Variants in MED30 observed in about 807,000 individuals in gnomAD.
MED30 encodes mediator complex subunit 30.
In MED30, 8 loss-of-function variants were observed where a neutral mutation model predicts 21.7. The observed-to-expected ratio is 0.37, with a 90% CI of 0.22 to 0.67. The LOEUF is 0.67. MED30 is among the 30% of genes least tolerant of loss of function. The pLI is 0.58. For missense variants in MED30, 203 were observed against 228.2 expected, an observed-to-expected ratio of 0.89 and a Z score of 0.71; for synonymous variants, 79 against 86.7, an observed-to-expected ratio of 0.91 and a Z score of 0.49.
intron 3 of MED30, among the ~76,000 whole-genome samples, chr8:117,536,029 T>C (rs1438094792): frequency 6.6e-6 from 1 of 152,204 alleles, no homozygotes; most frequent in Non-Finnish European, 1.5e-5. Flanking sequence ...GAGAAGCTTT[T>C]TGATTTGGCT....
chr8:117,540,016 C>A lies in MED30; in HGVS notation c.*38C>A. 1 of 1,210,202 alleles carries A rather than the reference C, an allele frequency of 8.3e-7. No homozygotes were observed. Among genetic ancestry groups the A allele is most frequent in the South Asian group, 1.5e-5 (1 of 67,630 alleles). The allele number at this position is 1,210,202 out of a possible 1,614,324, so 75.0% of individuals were successfully genotyped here. ...ATTTCCTGCTTTACACATGTTATAC[C>A]ATTGTTTTTTCCCTCAAGTATTTTT... On this transcript the variant is annotated 3_prime_UTR_variant, in exon 4 of 4. Coordinates refer to ENST00000297347, the MANE Select transcript of MED30 (RefSeq NM_080651.4).
At chr8:117,534,231 T>C (rs1818833434) in intron 3 of MED30, among the ~76,000 whole-genome samples, 1 of 152,062 alleles carries the variant, frequency 6.6e-6, no homozygotes, top group Non-Finnish European at 1.5e-5. Context: ...CACTGACCAC[T>C]CCCTCTTTAC....
At chr8:117,533,340 T>C (rs1001521845) in intron 3 of MED30, among the ~76,000 whole-genome samples, 1 of 152,106 alleles carries the variant, frequency 6.6e-6, no homozygotes, top group African/African-American at 2.4e-5. Context: ...GTTTTGTGGA[T>C]TTTAAGTAAA....
Position 117,539,938 on chromosome 8 carries a change from T to G in MED30, c.497T>G (p.Leu166Arg). The G allele has an allele frequency of 6.2e-7, 1 of 1,609,216 alleles. No homozygotes were observed. The highest frequency in any genetic ancestry group is 8.5e-7 in the Non-Finnish European group (1 of 1,177,762). Residue 166 changes from leucine (L) to arginine (R), a missense_variant, in exon 4 of 4, where the codon CTC (leucine) becomes CGC (arginine). Physicochemically the swap from Leu to Arg is moderately radical, Grantham distance 102. Coordinates refer to ENST00000297347, the MANE Select transcript of MED30 (RefSeq NM_080651.4). Reference protein sequence around the residue: ...LKQIMDQLRNLIWDINAMLAM... With the variant: ...LKQIMDQLRNRIWDINAMLAM... Reference sequence around the variant, plus strand: ...CAAATTATGGATCAATTACGAAATCTCATCTGGGATATAAATGCCATGTTG... The same window carrying G: ...CAAATTATGGATCAATTACGAAATCGCATCTGGGATATAAATGCCATGTTG...
At chr8:117,528,357 T>C (rs1313489550) in intron 1 of MED30, among the ~76,000 whole-genome samples, 3 of 151,498 alleles carry the variant, frequency 2.0e-5, no homozygotes, top group East Asian at 3.9e-4. Context: ...AAATTGTAAA[T>C]TTTTTTTTAA....
chr8:117,540,014 A>AC lies in MED30; in HGVS notation c.*38dup. 1 of 1,233,422 alleles carries AC rather than the reference A, an allele frequency of 8.1e-7. No homozygotes were observed. 76.4% of individuals were successfully genotyped at this position (1,233,422 alleles called of 1,614,324 possible). A position where few individuals can be genotyped will look rare whatever the true frequency, so the allele number is the denominator to read the frequency against. On this transcript the variant is annotated 3_prime_UTR_variant, in exon 4 of 4. Coordinates refer to ENST00000297347, the MANE Select transcript of MED30 (RefSeq NM_080651.4). ...AAATTTCCTGCTTTACACATGTTATACCATTGTTTTTTCCCTCAAGTATTT... is the reference window on the plus strand; with the variant it reads ...AAATTTCCTGCTTTACACATGTTATACCCATTGTTTTTTCCCTCAAGTATTT...
In MED30 at chr8:117,520,893, T is replaced by G; in HGVS notation, c.17T>G (p.Leu6Trp). 6.2e-7 allele frequency: 1 copy of G among 1,603,288 alleles called. No individual in the cohort carries two copies. The highest frequency in any genetic ancestry group is 1.3e-5 in the African/African-American group (1 of 74,708). The change falls in exon 1 of 4, where the codon TTG becomes TGG. Residue 6 changes from leucine to tryptophan, a missense_variant. Leu to Trp is a moderately conservative substitution (Grantham distance 61). Coordinates refer to ENST00000297347, the MANE Select transcript of MED30 (RefSeq NM_080651.4). ...AGCCGCGCCATGTCCACCCCTCCGT[T>G]GGCCGCGTCGGGGATGGCGCCCGGG... is the stretch of plus-strand genomic sequence containing the variant. MSTPP[L>W]AASGMAPGPF...
chr8:117,527,052 C>CT (rs1818729356), intron 1 of MED30, among the ~76,000 whole-genome samples: 1 of 151,912 alleles, frequency 6.6e-6, no homozygotes, highest in African/African-American at 2.4e-5. Flanking sequence ...AAGTTCCAGT[C>CT]TTTACTAAGT....
At chr8:117,524,475 T>C (rs934113781) in intron 1 of MED30, among the ~76,000 whole-genome samples, 1 of 152,176 alleles carries the variant, frequency 6.6e-6, no homozygotes, top group Non-Finnish European at 1.5e-5. Context: ...CTGAGAAAAA[T>C]ACACATACAT....
chr8:117,525,241 C>T (rs1462467728), intron 1 of MED30, among the ~76,000 whole-genome samples: 1 of 151,932 alleles, frequency 6.6e-6, no homozygotes, highest in Non-Finnish European at 1.5e-5. Context: ...CTTTACATTT[C>T]TCCTAGTTTG....
chr8:117,527,683 G>T (rs1017951202), intron 1 of MED30, among the ~76,000 whole-genome samples: 1 of 123,420 alleles, frequency 8.1e-6, no homozygotes, highest in Non-Finnish European at 1.7e-5. Context: ...GTTTAAAAAA[G>T]AAAAAAATGC....
chr8:117,538,146 A>G (rs933703133), intron 3 of MED30, among the ~76,000 whole-genome samples: 5 of 151,800 alleles, frequency 3.3e-5, no homozygotes, highest in East Asian at 1.9e-4. Flanking sequence ...ATAACAGACT[A>G]TCACTTACTT....
In MED30 at chr8:117,520,891, G is replaced by A. The variant is rs755234470; in HGVS notation, c.15G>A (p.Pro5=). Residue 5 remains proline (P), a synonymous_variant, in exon 1 of 4, where the codon CCG becomes CCA. Transcript: ENST00000297347. MSTP[P]LAASGMAPGP... is the part of the protein sequence containing the mutation. ...GCAGCCGCGCCATGTCCACCCCTCC[G>A]TTGGCCGCGTCGGGGATGGCGCCCG... 6.2e-7 allele frequency: 1 copy of A among 1,601,732 alleles called. No homozygotes were observed. Among genetic ancestry groups the A allele is most frequent in the Admixed American group, 1.7e-5 (1 of 58,608 alleles).
chr8:117,525,685 A>C (rs986322248), intron 1 of MED30, among the ~76,000 whole-genome samples: 1 of 152,100 alleles, frequency 6.6e-6, no homozygotes, highest in East Asian at 1.9e-4. Context: ...TAACTTTTTC[A>C]AAAGGTTCAC....
At chr8:117,535,255 T>C (rs944631066) in intron 3 of MED30, among the ~76,000 whole-genome samples, 4 of 150,276 alleles carry the variant, frequency 2.7e-5, no homozygotes, top group Non-Finnish European at 5.9e-5. Context: ...TTTTTTTTTT[T>C]TTTTTGAGAG....
chr8:117,536,489 ATAT>A (rs748284147), intron 3 of MED30, among the ~76,000 whole-genome samples: 1 of 152,160 alleles, frequency 6.6e-6, no homozygotes, highest in African/African-American at 2.4e-5. Context: ...CATTTTCAAG[ATAT>A]TATCATATCA....
At chr8:117,523,206 TTAA>T in intron 1 of MED30, 1 of 781,124 alleles carries the variant, frequency 1.3e-6, no homozygotes, top group Non-Finnish European at 2.1e-6. Flanking sequence ...TTTTTTTTTT[TTAA>T]GTTTTTTTTT....
chr8:117,535,211 A>C (rs1269549806), intron 3 of MED30, among the ~76,000 whole-genome samples: 1 of 150,986 alleles, frequency 6.6e-6, no homozygotes, highest in Non-Finnish European at 1.5e-5. Context: ...TTTAATTTTT[A>C]AAATACTGAG....
At chr8:117,523,762 A>C in intron 1 of MED30, 2 of 1,043,302 alleles carry the variant, frequency 1.9e-6, no homozygotes, top group Non-Finnish European at 2.8e-6. Flanking sequence ...TAATCCCAGC[A>C]CTTTGAGAGG....
Sources: allele counts gnomAD v4.1 joint callset (sites outside exome capture counted in the v4.1 genomes callset), GRCh38; gene constraint gnomAD v4.1.1; transcripts MANE v1.5; gene names NCBI Gene and HGNC (gene_info 2026-07-23, HGNC 2026-07-21).